The following CAMK4 variants were observed in gnomAD, a reference collection of about 807,000 sequenced individuals.
The protein encoded by CAMK4 is calcium/calmodulin dependent protein kinase IV, also known as calcium/calmodulin-dependent protein kinase type IV.
A neutral mutation model predicts 44.9 loss-of-function variants in CAMK4; 22 were observed. The observed-to-expected ratio is 0.49, with a 90% CI of 0.35 to 0.70. The LOEUF (loss-of-function observed/expected upper bound fraction) is 0.70. CAMK4 is among the 30% of genes least tolerant of loss of function. CAMK4 has a pLI of 0.01. For missense variants in CAMK4, 498 were observed against 586.8 expected (o/e 0.85, Z 1.56); for synonymous variants, 218 against 215.4 (o/e 1.01, Z -0.11).
At chr5:111,437,452 T>C (rs1196086453) in intron 5 of CAMK4, among the ~76,000 whole-genome samples, 2 of 152,210 alleles carry the variant, frequency 1.3e-5, no homozygotes, top group Admixed American at 1.3e-4. Context: ...GAAGGAAATG[T>C]AGTATCTGGG....
intron 2 of CAMK4, among the ~76,000 whole-genome samples, chr5:111,353,283 G>T (rs137925247): frequency 3.4e-4 from 52 of 151,622 alleles, no homozygotes; most frequent in Non-Finnish European, 6.6e-4. Flanking sequence ...CTGAGGCTCA[G>T]AGAGGCTAGC....
At chr5:111,375,174 G>A (rs947322073) in intron 3 of CAMK4, among the ~76,000 whole-genome samples, 18 of 152,102 alleles carry the variant, frequency 1.2e-4, no homozygotes, top group Admixed American at 6.6e-4. Context: ...GATAAAAATC[G>A]AAGAGTTTTG....
intron 7 of CAMK4, among the ~76,000 whole-genome samples, chr5:111,469,534 A>G (rs1291579813): frequency 6.6e-6 from 1 of 152,136 alleles, no homozygotes; most frequent in Non-Finnish European, 1.5e-5. Context: ...TGTATAGTGG[A>G]TCCAAAAAGC....
At chr5:111,387,028 C>T (rs1194821377) in intron 4 of CAMK4, among the ~76,000 whole-genome samples, 1 of 152,224 alleles carries the variant, frequency 6.6e-6, no homozygotes, top group African/African-American at 2.4e-5. Flanking sequence ...CCACAGGGCC[C>T]TGGGCCTGTG....
chr5:111,258,740 C>CGTGTGTGTGT lies in CAMK4; in HGVS notation c.161+34130_161+34139dup, dbSNP rs201959904. Among the ~76,000 whole-genome samples the CGTGTGTGTGT allele has an allele frequency of 3.4e-3, 468 of 139,326 alleles. 1 individual carries two copies. Among genetic ancestry groups the CGTGTGTGTGT allele is most frequent in the Non-Finnish European group, 4.8e-3 (305 of 63,484 alleles). 91.4% of individuals were successfully genotyped at this position (139,326 alleles called of 152,430 possible). A position where few individuals can be genotyped will look rare whatever the true frequency, so the allele number is the denominator to read the frequency against. ...ACCATTACCTCTACAGAGTTATCAGCGTGTGTGTGTGTGTGTGTGTGTGTG... is the reference window on the plus strand; with the variant it reads ...ACCATTACCTCTACAGAGTTATCAGCGTGTGTGTGTGTGTGTGTGTGTGTGTGTGTGTGTG... On this transcript the variant is annotated intron_variant, in intron 1 of 10. Coordinates refer to ENST00000282356, the MANE Select transcript of CAMK4 (RefSeq NM_001744.6).
chr5:111,324,984 A>G (rs1748816667), intron 1 of CAMK4, among the ~76,000 whole-genome samples: 1 of 151,796 alleles, frequency 6.6e-6, no homozygotes, highest in Non-Finnish European at 1.5e-5. Context: ...TATTTTCCTA[A>G]TGCGCTCCCT....
intron 5 of CAMK4, among the ~76,000 whole-genome samples, chr5:111,403,453 G>A (rs949485629): frequency 1.3e-5 from 2 of 152,236 alleles, no homozygotes; most frequent in Non-Finnish European, 1.5e-5. Context: ...TTTGAGCACT[G>A]ATCTTTGGAG....
chr5:111,465,390 A>C (rs903077281), intron 7 of CAMK4, among the ~76,000 whole-genome samples: 1 of 152,136 alleles, frequency 6.6e-6, no homozygotes, highest in African/African-American at 2.4e-5. Context: ...AAACCAAAAA[A>C]ATTACAAAAA....
chr5:111,304,551 C>G (rs1747857874), intron 1 of CAMK4, among the ~76,000 whole-genome samples: 1 of 4,480 alleles, frequency 2.2e-4, no homozygotes, highest in African/African-American at 1.4e-3. Flanking sequence ...TCTAACTATC[C>G]TAAATATTTA....
rs147349939 is a variant in CAMK4, at chr5:111,342,016, C to G, written c.162-2008C>G. On this transcript the variant is annotated intron_variant, in intron 1 of 10. Transcript: ENST00000282356. Reference sequence around the variant, plus strand: ...TCTATTCTTTCTTCAACACCGCTCTCTCGATTACTGTAGCTTTATAGTAAG... The same window carrying G: ...TCTATTCTTTCTTCAACACCGCTCTGTCGATTACTGTAGCTTTATAGTAAG... 1.4e-3 allele frequency among the ~76,000 whole-genome samples: 205 copies of G among 151,586 alleles called. 1 individual carries two copies. The highest frequency in any genetic ancestry group is 4.7e-3 in the African/African-American group (194 of 41,476).
At chr5:111,340,438 A>C (rs985323837) in intron 1 of CAMK4, among the ~76,000 whole-genome samples, 1 of 151,342 alleles carries the variant, frequency 6.6e-6, no homozygotes, top group Middle Eastern at 3.2e-3. Context: ...TAGATGTTAA[A>C]TTTTGTCAAA....
intron 4 of CAMK4, among the ~76,000 whole-genome samples, chr5:111,385,970 T>C (rs1175696904): frequency 2.0e-5 from 3 of 152,168 alleles, no homozygotes; most frequent in Non-Finnish European, 4.4e-5. Context: ...TGCAATTTGA[T>C]TTGACCTCCT....
At chr5:111,321,054 T>C (rs1039594227) in intron 1 of CAMK4, among the ~76,000 whole-genome samples, 3 of 152,178 alleles carry the variant, frequency 2.0e-5, no homozygotes, top group African/African-American at 7.2e-5. Context: ...AAATAAGCTC[T>C]AATAATTGAT....
chr5:111,229,504 G>T (rs1748359516), intron 1 of CAMK4, among the ~76,000 whole-genome samples: 1 of 152,208 alleles, frequency 6.6e-6, no homozygotes, highest in Non-Finnish European at 1.5e-5. Context: ...TGAATTTTGA[G>T]GGGACACAAT....
intron 9 of CAMK4, among the ~76,000 whole-genome samples, chr5:111,480,289 C>CACA (rs70973611): frequency 2.0e-5 from 3 of 148,010 alleles, no homozygotes; most frequent in African/African-American, 5.1e-5. Flanking sequence ...CACACACACA[C>CACA]CCCTGGGTAA....
chr5:111,237,633 T>C (rs1748788318), intron 1 of CAMK4, among the ~76,000 whole-genome samples: 1 of 152,220 alleles, frequency 6.6e-6, no homozygotes, highest in Non-Finnish European at 1.5e-5. Context: ...TAGAAGAAAG[T>C]ATGTTTCCTG....
At chr5:111,412,139 A>T (rs1417942669) in intron 5 of CAMK4, among the ~76,000 whole-genome samples, 1 of 152,204 alleles carries the variant, frequency 6.6e-6, no homozygotes, top group Non-Finnish European at 1.5e-5. Flanking sequence ...GTTGTAGGTA[A>T]TTATTTATTC....
At chr5:111,353,530 C>T (rs946042082) in intron 2 of CAMK4, among the ~76,000 whole-genome samples, 2 of 152,034 alleles carry the variant, frequency 1.3e-5, no homozygotes, top group African/African-American at 4.8e-5. Flanking sequence ...GTTTGAGCAG[C>T]ATTTAAATGA....
chr5:111,419,557 T>G (rs1236781733), intron 5 of CAMK4, among the ~76,000 whole-genome samples: 4 of 152,328 alleles, frequency 2.6e-5, no homozygotes, highest in South Asian at 2.1e-4. Flanking sequence ...GGTTTTCTTC[T>G]AGGGTTTTTA....
Sources: gnomAD v4.1 joint callset for allele counts (sites outside exome capture counted in the v4.1 genomes callset) on GRCh38, gnomAD v4.1.1 for gene constraint, MANE v1.5 for transcripts, NCBI Gene and HGNC (gene_info 2026-07-23, HGNC 2026-07-21) for gene names.